OTUD7B: variants seen among roughly 807,000 people sequenced by gnomAD.
The protein encoded by OTUD7B is OTU domain-containing protein 7B.
Under a neutral mutation model 82.2 loss-of-function variants are expected in OTUD7B, and 34 were observed. The observed-to-expected ratio is 0.41, with a 90% CI of 0.31 to 0.55. The LOEUF (loss-of-function observed/expected upper bound fraction) is 0.55. Among genes scored for constraint, OTUD7B ranks in the 20% least tolerant of loss-of-function variants. The pLI, the probability that OTUD7B is intolerant of heterozygous loss-of-function variation, is 0.20. For synonymous variants in OTUD7B, 398 were observed against 402.7 expected, an observed-to-expected ratio of 0.99 and a Z score of 0.14; for missense variants, 944 against 1,062.1, an observed-to-expected ratio of 0.89 and a Z score of 1.55.
chr1:149,988,620 C>T lies in OTUD7B; in HGVS notation c.-66-11044G>A, dbSNP rs114015475. On this transcript the variant is annotated intron_variant, in intron 1 of 11. Coordinates refer to ENST00000581312, the MANE Select transcript of OTUD7B (RefSeq NM_020205.4). ...TTGGGAAAATGGGGGCAGGGAGAGT[C>T]ATACAGAAAGTCTGTTATTATAATA... is the stretch of plus-strand genomic sequence containing the variant. Among the ~76,000 whole-genome samples, 582 of 152,222 alleles carry T rather than the reference C, an allele frequency of 3.8e-3. 6 individuals carry two copies. Among genetic ancestry groups the T allele is most frequent in the African/African-American group, 0.013 (551 of 41,528 alleles).
At chr1:149,992,467 GTTTTTTTTTT>G (rs1166098299) in intron 1 of OTUD7B, among the ~76,000 whole-genome samples, 2 of 61,560 alleles carry the variant, frequency 3.2e-5, no homozygotes, top group East Asian at 5.8e-4. Flanking sequence ...GTGTGCATGT[GTTTTTTTTTT>G]TTTTTTTTTT....
In OTUD7B at chr1:149,945,050, G is replaced by A. The variant is rs782083123; in HGVS notation, c.1339C>T (p.Pro447Ser). Residue 447 changes from proline to serine, a missense_variant, in exon 12 of 12, where the codon CCT becomes TCT. Physicochemically the swap from Pro to Ser is moderately conservative, Grantham distance 74 (BLOSUM62 -1). Around this residue, in one of 3 missense-constraint regions of OTUD7B, gnomAD observed 530 missense variants for 625.6 expected, o/e 0.85. Transcript: ENST00000581312. The stretch of plus-strand genomic sequence containing the variant: ...CCAGCTGAGGCGGTGGGGGACTCAG[G>A]CTGGGCCAGAGGAGCCTGGAAGAGA... ...SSDAQAPLAQPESPTASAGDE... is the reference protein window; with the variant it reads ...SSDAQAPLAQSESPTASAGDE... The A allele has an allele frequency of 8.2e-5, 133 of 1,613,600 alleles. No homozygotes were observed. In the Admixed American group the frequency reaches 2.2e-3, roughly 26 times the overall value.
At chr1:150,052,548 C>T in the OTUD7B span, among the ~76,000 whole-genome samples, 6 of 152,270 alleles carry the variant, frequency 3.9e-5, no homozygotes, top group South Asian at 2.1e-4. Context: ...ACATCCCATG[C>T]TCATGGATAG....
chr1:149,966,714 TAAAA>T (rs1231107310), intron 4 of OTUD7B, among the ~76,000 whole-genome samples: 1 of 151,254 alleles, frequency 6.6e-6, no homozygotes, highest in Non-Finnish European at 1.5e-5. Flanking sequence ...TTTACCAACT[TAAAA>T]AAAAATTACA....
Position 149,944,045 on chromosome 1 carries a change from GCT to G in OTUD7B, c.2342_2343del (p.Glu781AlafsTer3), listed in dbSNP as rs1553771133. On this transcript the variant is annotated frameshift_variant, in exon 12 of 12. Transcript: ENST00000581312. LOFTEE classifies it high-confidence loss of function. ...VADSYSNGYREPPEPDGWAGG... is the reference protein window; with the variant it reads ...VADSYSNGYRXPPEPDGWAGG... The stretch of plus-strand genomic sequence containing the variant: ...CCAGCCCATCCATCTGGCTCAGGGG[GCT>G]CTCTGTAGCCATTGCTATAGGAATC... 1 of 1,614,210 alleles carries G rather than the reference GCT, an allele frequency of 6.2e-7. No individual in the cohort carries two copies. Among genetic ancestry groups the G allele is most frequent in the East Asian group, 2.2e-5 (1 of 44,890 alleles).
At position 149,945,144 on chromosome 1, in the gene OTUD7B, C is replaced by A. The variant is rs587629482; in HGVS notation, c.1324-79G>T. 2.4e-5 allele frequency: 37 copies of A among 1,516,732 alleles called. No homozygotes were observed. In the African/African-American group the frequency reaches 4.7e-4, roughly 19 times the overall value. 94.0% of individuals were successfully genotyped at this position (1,516,732 alleles called of 1,614,324 possible). On this transcript the variant is annotated intron_variant, in intron 11 of 11. Coordinates refer to ENST00000581312, the MANE Select transcript of OTUD7B (RefSeq NM_020205.4). ...AATCCCCCAGGGACCTCTAGCCCAT[C>A]CATCTGGCTCAGGGAGCTCCCTGCA...
the OTUD7B span, among the ~76,000 whole-genome samples, chr1:150,017,664 A>C: frequency 1.3e-5 from 2 of 152,242 alleles, no homozygotes; most frequent in Admixed American, 6.5e-5. Context: ...TGACTAGGTC[A>C]GCACTAGGAG....
chr1:150,052,984 T>C, the OTUD7B span, among the ~76,000 whole-genome samples: 6 of 152,170 alleles, frequency 3.9e-5, no homozygotes, highest in Non-Finnish European at 7.3e-5. Flanking sequence ...TGGCTAACCA[T>C]ATGCAGAAGA....
chr1:150,007,359 C>T (rs1652736780), intron 1 of OTUD7B, among the ~76,000 whole-genome samples: 1 of 152,174 alleles, frequency 6.6e-6, no homozygotes, highest in Non-Finnish European at 1.5e-5. Flanking sequence ...CCATAGCCTC[C>T]CAAGTCCATT....
Position 149,959,667 on chromosome 1 carries a change from T to TAC in OTUD7B, c.845+15_845+16dup. 1 of 1,509,086 alleles carries TAC rather than the reference T, an allele frequency of 6.6e-7. No homozygotes were observed. Among genetic ancestry groups the TAC allele is most frequent in the Non-Finnish European group, 9.2e-7 (1 of 1,084,100 alleles). The allele number at this position is 1,509,086 out of a possible 1,614,324, so 93.5% of individuals were successfully genotyped here. A position where few individuals can be genotyped will look rare whatever the true frequency, so the allele number is the denominator to read the frequency against. ...ACTCTATGCAGGTTTCCTCCTCCCCTACTTAGCCATACTTACCCACCACAG... is the reference window on the plus strand; with the variant it reads ...ACTCTATGCAGGTTTCCTCCTCCCCTACACTTAGCCATACTTACCCACCACAG... On this transcript the variant is annotated intron_variant, in intron 7 of 11. Transcript: ENST00000581312.
intron 1 of OTUD7B, among the ~76,000 whole-genome samples, chr1:149,980,296 T>C (rs1650626197): frequency 6.6e-6 from 1 of 151,566 alleles, no homozygotes; most frequent in Non-Finnish European, 1.5e-5. Flanking sequence ...ATTTGATGTC[T>C]CCAGGTGCAT....
At position 149,939,140 on chromosome 1, in the gene OTUD7B, A is replaced by T. The variant is rs1295821744; in HGVS notation, c.*4717T>A. On this transcript the variant is annotated 3_prime_UTR_variant, in exon 12 of 12. Transcript: ENST00000581312. ...CTATATCAGATTTTTCCATTTTCAG[A>T]ATCCTGTTCTGGCTGCAGGTTTGTG... is the stretch of plus-strand genomic sequence containing the variant. The T allele has an allele frequency of 6.6e-6, 1 of 152,106 alleles. No homozygotes were observed. Among genetic ancestry groups the T allele is most frequent in the Non-Finnish European group, 1.5e-5 (1 of 68,074 alleles). The allele number at this position is 152,106 out of a possible 1,614,324, so 9.4% of individuals were successfully genotyped here. A position where few individuals can be genotyped will look rare whatever the true frequency, so the allele number is the denominator to read the frequency against.
chr1:150,026,228 C>T, the OTUD7B span, among the ~76,000 whole-genome samples: 1 of 152,190 alleles, frequency 6.6e-6, no homozygotes, highest in African/African-American at 2.4e-5. Context: ...TCACACTCAG[C>T]TGCAAAGGAG....
the OTUD7B span, among the ~76,000 whole-genome samples, chr1:150,043,137 A>G: frequency 6.6e-6 from 1 of 152,110 alleles, no homozygotes; most frequent in Admixed American, 6.6e-5. Context: ...TCTCAGATCT[A>G]TTAAGTCAGA....
intron 1 of OTUD7B, among the ~76,000 whole-genome samples, chr1:149,987,499 C>T (rs1337452488): frequency 6.6e-6 from 1 of 152,156 alleles, no homozygotes; most frequent in Admixed American, 6.6e-5. Context: ...TGCATTTCAG[C>T]CCTCCTGTTA....
chr1:150,059,523 T>C, the OTUD7B span, among the ~76,000 whole-genome samples: 1 of 151,570 alleles, frequency 6.6e-6, no homozygotes, highest in African/African-American at 2.4e-5. Flanking sequence ...GCATGCGCCA[T>C]CACACCCGGC....
At chr1:149,960,413 T>TTTTATG (rs1366020859) in intron 6 of OTUD7B, among the ~76,000 whole-genome samples, 1 of 72,566 alleles carries the variant, frequency 1.4e-5, no homozygotes, top group African/African-American at 5.3e-5. Context: ...TTTTTTTTTG[T>TTTTATG]AGACAGAGTC....
rs1330386443 is a variant in OTUD7B, at chr1:149,944,125, G to A, written c.2264C>T (p.Ser755Phe). The A allele has an allele frequency of 3.7e-6, 6 of 1,613,948 alleles. No individual in the cohort carries two copies. The highest frequency in any genetic ancestry group is 5.1e-6 in the Non-Finnish European group (6 of 1,179,982). Reference protein sequence around the residue: ...SIPSLEPGSHSKDGLHRGALL... With the variant: ...SIPSLEPGSHFKDGLHRGALL... ...GGCACCCCTGTGAAGTCCATCCTTA[G>A]AGTGGCTGCCTGGCTCCAGAGAAGG... Residue 755 changes from serine (S) to phenylalanine (F), a missense_variant, in exon 12 of 12, where the codon TCT (serine) becomes TTT (phenylalanine). This residue lies in a region of OTUD7B where 412 missense variants were observed against 418.7 expected (regional missense o/e 0.98). Transcript: ENST00000581312.
intron 1 of OTUD7B, among the ~76,000 whole-genome samples, chr1:149,980,480 G>C (rs1458255150): frequency 6.7e-6 from 1 of 148,846 alleles, no homozygotes; most frequent in African/African-American, 2.5e-5. Flanking sequence ...CAGCACTTTG[G>C]GAGGCCGAGG....
Sources: allele counts gnomAD v4.1 joint callset (sites outside exome capture counted in the v4.1 genomes callset), GRCh38; gene constraint gnomAD v4.1.1; regional missense constraint gnomAD v4.1.1; transcripts MANE v1.5; gene names NCBI Gene and HGNC (gene_info 2026-07-23, HGNC 2026-07-21).